Variants in NKAIN2 observed in about 807,000 individuals in gnomAD.
NKAIN2 encodes the protein sodium/potassium-transporting ATPase subunit beta-1-interacting protein 2.
A neutral mutation model predicts 32.6 loss-of-function variants in NKAIN2; 14 were observed. The observed-to-expected ratio is 0.43, with a 90% CI of 0.28 to 0.67. The LOEUF (loss-of-function observed/expected upper bound fraction) is 0.67. Among genes scored for constraint, NKAIN2 ranks in the 30% least tolerant of loss-of-function variants. The pLI is 0.17. For missense variants in NKAIN2, 198 were observed against 258.3 expected, an observed-to-expected ratio of 0.77 and a Z score of 1.60; for synonymous variants, 80 against 87.2, an observed-to-expected ratio of 0.92 and a Z score of 0.46.
intron 3 of NKAIN2, among the ~76,000 whole-genome samples, chr6:124,538,669 T>C (rs1779802860): frequency 6.6e-6 from 1 of 152,132 alleles, no homozygotes; most frequent in African/African-American, 2.4e-5. Context: ...CTGTTTTATC[T>C]CTGAAAAACC....
At chr6:124,297,665 T>C (rs1796114832) in intron 2 of NKAIN2, among the ~76,000 whole-genome samples, 1 of 148,850 alleles carries the variant, frequency 6.7e-6, no homozygotes, top group Non-Finnish European at 1.5e-5. Context: ...ATTATTGTTC[T>C]TTTCCTTGAG....
At chr6:124,078,258 T>C (rs1169765033) in intron 1 of NKAIN2, among the ~76,000 whole-genome samples, 2 of 152,106 alleles carry the variant, frequency 1.3e-5, no homozygotes, top group East Asian at 3.9e-4. Flanking sequence ...TTTTAGATTT[T>C]ACAGTTGTTG....
chr6:124,061,670 C>T (rs766904329), intron 1 of NKAIN2, among the ~76,000 whole-genome samples: 8 of 151,832 alleles, frequency 5.3e-5, no homozygotes, highest in Non-Finnish European at 8.8e-5. Context: ...GGATGCACTA[C>T]CCCTAAGCAC....
At chr6:123,913,044 C>T (rs1775301308) in intron 1 of NKAIN2, among the ~76,000 whole-genome samples, 1 of 152,146 alleles carries the variant, frequency 6.6e-6, no homozygotes, top group Non-Finnish European at 1.5e-5. Context: ...ATAGTATCTG[C>T]TAGTGCAGGC....
intron 1 of NKAIN2, among the ~76,000 whole-genome samples, chr6:124,218,398 T>C (rs1029674954): frequency 6.6e-6 from 1 of 152,164 alleles, no homozygotes; most frequent in African/African-American, 2.4e-5. Flanking sequence ...ACAAATGAGT[T>C]TCATCATGAA....
chr6:124,238,893 G>A (rs1443453769), intron 1 of NKAIN2, among the ~76,000 whole-genome samples: 2 of 152,148 alleles, frequency 1.3e-5, no homozygotes, highest in African/African-American at 4.8e-5. Context: ...TAACCAGCTA[G>A]CATCATAATG....
At chr6:123,812,610 C>T (rs566109896) in intron 1 of NKAIN2, among the ~76,000 whole-genome samples, 2 of 152,132 alleles carry the variant, frequency 1.3e-5, no homozygotes, top group Non-Finnish European at 2.9e-5. Context: ...CTCCAGAACA[C>T]CTTGGAGAGG....
intron 1 of NKAIN2, among the ~76,000 whole-genome samples, chr6:124,253,141 C>G (rs1207643805): frequency 6.6e-6 from 1 of 152,094 alleles, no homozygotes; most frequent in Non-Finnish European, 1.5e-5. Context: ...CATGGTCTAT[C>G]CCTGTATTTA....
intron 1 of NKAIN2, among the ~76,000 whole-genome samples, chr6:124,066,764 C>T (rs1324420797): frequency 6.6e-6 from 1 of 151,978 alleles, no homozygotes; most frequent in Admixed American, 6.6e-5. Flanking sequence ...CTCTAATAAA[C>T]AGGAATGCAT....
chr6:124,073,612 A>G (rs146586884), intron 1 of NKAIN2, among the ~76,000 whole-genome samples: 381 of 152,242 alleles, frequency 2.5e-3, no homozygotes, highest in African/African-American at 8.9e-3. Flanking sequence ...TTGGACACTT[A>G]TATTTTAAAG....
intron 2 of NKAIN2, among the ~76,000 whole-genome samples, chr6:124,294,062 T>C (rs1011271195): frequency 1.3e-5 from 2 of 152,170 alleles, no homozygotes; most frequent in Non-Finnish European, 2.9e-5. Context: ...TTATTTATTT[T>C]AAAAAATGTT....
At chr6:124,727,473 G>A (rs1398573697) in intron 4 of NKAIN2, among the ~76,000 whole-genome samples, 1 of 149,508 alleles carries the variant, frequency 6.7e-6, no homozygotes, top group Non-Finnish European at 1.5e-5. Context: ...CATAAGTGAA[G>A]GAGAAATAAA....
At chr6:124,054,110 T>C (rs1002561729) in intron 1 of NKAIN2, among the ~76,000 whole-genome samples, 9 of 152,088 alleles carry the variant, frequency 5.9e-5, no homozygotes, top group African/African-American at 2.2e-4. Context: ...GTGAGAGTCA[T>C]TGGAATTTGG....
chr6:124,215,319 A>G (rs1273897884), intron 1 of NKAIN2, among the ~76,000 whole-genome samples: 3 of 152,130 alleles, frequency 2.0e-5, no homozygotes, highest in Non-Finnish European at 4.4e-5. Context: ...CCAACATCTC[A>G]CTTACAAGAT....
intron 3 of NKAIN2, among the ~76,000 whole-genome samples, chr6:124,552,573 A>T (rs1479038): frequency 0.48 from 73,146 of 152,068 alleles, 19,263 homozygotes; most frequent in East Asian, 0.77. Context: ...GGAATAAAAA[A>T]ACTCTCCCAA....
At position 124,322,028 on chromosome 6, in the gene NKAIN2, G is replaced by C. The variant is rs17558846; in HGVS notation, c.193-33239G>C. Among the ~76,000 whole-genome samples, 180 of 152,028 alleles carry C rather than the reference G, an allele frequency of 1.2e-3. 1 individual carries two copies. The highest frequency in any genetic ancestry group is 1.8e-3 in the Non-Finnish European group (119 of 67,984). On this transcript the variant is annotated intron_variant, in intron 2 of 6. Coordinates refer to ENST00000368417, the MANE Select transcript of NKAIN2 (RefSeq NM_001040214.3). ...TAGTAAATGAAGTTCTGCAATACTC[G>C]AAACATAGCCAGATATCTAATGATA...
At chr6:123,839,344 C>A in intron 1 of NKAIN2, among the ~76,000 whole-genome samples, 1 of 151,468 alleles carries the variant, frequency 6.6e-6, no homozygotes. Context: ...TTAAAAATGA[C>A]TTATAGTCTC....
At position 123,880,658 on chromosome 6, in the gene NKAIN2, T is replaced by C. The variant is rs1271452503; in HGVS notation, c.54+76404T>C. Among the ~76,000 whole-genome samples, 6 of 152,318 alleles carry C rather than the reference T, an allele frequency of 3.9e-5. No individual in the cohort carries two copies. In the South Asian group the frequency reaches 6.2e-4, roughly 16 times the overall value. On this transcript the variant is annotated intron_variant, in intron 1 of 6. Coordinates refer to ENST00000368417, the MANE Select transcript of NKAIN2 (RefSeq NM_001040214.3). ...AGCACAGAATGTATTATTGCCTTTA[T>C]TTTAAAACTACCAGTTAGTTAGAAC...
intron 4 of NKAIN2, among the ~76,000 whole-genome samples, chr6:124,785,944 C>A (rs966003992): frequency 6.6e-6 from 1 of 152,128 alleles, no homozygotes; most frequent in East Asian, 1.9e-4. Flanking sequence ...TGGCTCCCTA[C>A]TCTTTGTTGC....
Sources: gnomAD v4.1 joint callset for allele counts (sites outside exome capture counted in the v4.1 genomes callset) on GRCh38, gnomAD v4.1.1 for gene constraint, MANE v1.5 for transcripts, NCBI Gene and HGNC (gene_info 2026-07-23, HGNC 2026-07-21) for gene names.